The following SGCZ variants were observed in gnomAD, a reference collection of about 807,000 sequenced individuals.
SGCZ encodes zeta-sarcoglycan.
Under a neutral mutation model 41.3 loss-of-function variants are expected in SGCZ, and 40 were observed. The ratio of observed to expected loss-of-function variants is 0.97; its 90% CI spans 0.75 to 1.26. The LOEUF is 1.26. Ranked by LOEUF, SGCZ falls within the 50% of genes most tolerant of loss-of-function variation. SGCZ has a pLI of 0.00. For missense variants in SGCZ, 552 were observed against 369.8 expected, an observed-to-expected ratio of 1.49 and a Z score of -4.04; for synonymous variants, 206 against 137.5, an observed-to-expected ratio of 1.50 and a Z score of -3.49.
chr8:14,982,421 G>T lies in SGCZ; in HGVS notation c.39+255164C>A, dbSNP rs187791639. Among the ~76,000 whole-genome samples, 703 of 152,266 alleles carry T rather than the reference G, an allele frequency of 4.6e-3. 4 individuals are homozygous for T. The highest frequency in any genetic ancestry group is 0.019 in the South Asian group (90 of 4,826). On this transcript the variant is annotated intron_variant, in intron 1 of 7. Transcript: ENST00000382080. ...TCAGTCTCATCATACAGAAAAATGA[G>T]ATAACATATTTCTCAAAAGATTGTA...
chr8:14,121,476 TA>T (rs1429056873), intron 5 of SGCZ, among the ~76,000 whole-genome samples: 1 of 152,146 alleles, frequency 6.6e-6, no homozygotes, highest in East Asian at 1.9e-4. Context: ...TAATTGTTTT[TA>T]AAAAATATGT....
intron 3 of SGCZ, among the ~76,000 whole-genome samples, chr8:14,314,129 G>A (rs890629720): frequency 9.8e-4 from 149 of 152,200 alleles, no homozygotes; most frequent in African/African-American, 3.4e-3. Context: ...TACGCAGTAA[G>A]AAGAACTCCT....
At chr8:14,539,933 T>C (rs1803408633) in intron 2 of SGCZ, among the ~76,000 whole-genome samples, 1 of 151,928 alleles carries the variant, frequency 6.6e-6, no homozygotes, top group African/African-American at 2.4e-5. Context: ...GACCAGTAGA[T>C]GAGATCACCT....
chr8:14,658,924 G>A (rs892244736), intron 1 of SGCZ, among the ~76,000 whole-genome samples: 46 of 151,872 alleles, frequency 3.0e-4, no homozygotes, highest in African/African-American at 1.1e-3. Flanking sequence ...AGGGAAGGGA[G>A]ACAGGAAGGA....
intron 4 of SGCZ, among the ~76,000 whole-genome samples, chr8:14,214,521 G>T (rs1010163186): frequency 6.6e-6 from 1 of 152,040 alleles, no homozygotes; most frequent in Admixed American, 6.6e-5. Context: ...TTCTGTACTA[G>T]TTTTACTATA....
chr8:14,173,013 T>C (rs1414371783), intron 4 of SGCZ, among the ~76,000 whole-genome samples: 2 of 152,164 alleles, frequency 1.3e-5, no homozygotes, highest in African/African-American at 4.8e-5. Flanking sequence ...CTAAGCACCC[T>C]GGACATGAAG....
At chr8:14,535,421 G>A (rs1461848) in intron 2 of SGCZ, among the ~76,000 whole-genome samples, 94,156 of 151,478 alleles carry the variant, frequency 0.62, 31,000 homozygotes, top group Middle Eastern at 0.74. Context: ...AAGAAAAAAG[G>A]TTACATCTGG....
intron 2 of SGCZ, among the ~76,000 whole-genome samples, chr8:14,385,685 T>A (rs1804550372): frequency 6.6e-6 from 1 of 152,134 alleles, no homozygotes; most frequent in Admixed American, 6.5e-5. Context: ...TTTTATTTAC[T>A]TTAAAAGTAA....
chr8:14,143,999 C>G (rs562110856), intron 5 of SGCZ, among the ~76,000 whole-genome samples: 9 of 152,258 alleles, frequency 5.9e-5, no homozygotes, highest in Admixed American at 5.2e-4. Flanking sequence ...CCAAACTTCA[C>G]CACCAAGGGA....
intron 2 of SGCZ, among the ~76,000 whole-genome samples, chr8:14,325,830 G>T (rs1479094427): frequency 7.0e-6 from 1 of 143,406 alleles, no homozygotes; most frequent in African/African-American, 2.5e-5. Context: ...GAGGACGTGG[G>T]CCCGGCGCGG....
At chr8:14,739,949 A>G (rs956884463) in intron 1 of SGCZ, among the ~76,000 whole-genome samples, 1 of 152,016 alleles carries the variant, frequency 6.6e-6, no homozygotes, top group Non-Finnish European at 1.5e-5. Flanking sequence ...TATATAATAA[A>G]CAACATCTGC....
intron 5 of SGCZ, among the ~76,000 whole-genome samples, chr8:14,148,439 T>C (rs1415683929): frequency 1.3e-5 from 2 of 151,810 alleles, no homozygotes; most frequent in Non-Finnish European, 2.9e-5. Flanking sequence ...CTAGAAGAAA[T>C]GGACAAATTT....
intron 1 of SGCZ, among the ~76,000 whole-genome samples, chr8:14,657,419 T>C (rs1424493690): frequency 1.3e-5 from 2 of 152,134 alleles, no homozygotes; most frequent in Non-Finnish European, 2.9e-5. Context: ...AAAATGGGGA[T>C]ATATTTTGAC....
intron 2 of SGCZ, among the ~76,000 whole-genome samples, chr8:14,455,539 CAGATTAGGTAG>C (rs970359005): frequency 6.6e-6 from 1 of 151,820 alleles, no homozygotes; most frequent in Non-Finnish European, 1.5e-5. Flanking sequence ...AATACACAGA[CAGATTAGGTAG>C]ATAGATAGAT....
rs137994668 is a variant in SGCZ at position 14,575,184 on chromosome 8, C to G, written c.40-20258G>C. Among the ~76,000 whole-genome samples, 426 of 152,122 alleles carry G rather than the reference C, an allele frequency of 2.8e-3. 3 individuals are homozygous for G. The highest frequency in any genetic ancestry group is 9.9e-3 in the African/African-American group (409 of 41,510). On this transcript the variant is annotated intron_variant, in intron 1 of 7. Coordinates refer to ENST00000382080, the MANE Select transcript of SGCZ (RefSeq NM_139167.4). ...TGGGAAAAGTAAAATCAGTAGTTAC[C>G]TTTTAAGATGTCAATATTTGTTAAA...
chr8:14,423,943 A>G (rs1799706102), intron 2 of SGCZ, among the ~76,000 whole-genome samples: 1 of 152,144 alleles, frequency 6.6e-6, no homozygotes, highest in Non-Finnish European at 1.5e-5. Context: ...TCATTAAAGT[A>G]TAATAAATGC....
chr8:14,279,538 C>T (rs1463703447), intron 3 of SGCZ, among the ~76,000 whole-genome samples: 1 of 151,714 alleles, frequency 6.6e-6, no homozygotes, highest in Non-Finnish European at 1.5e-5. Flanking sequence ...ACTATCTCTT[C>T]ACAACAAAAA....
At chr8:14,549,691 A>G (rs78470616) in intron 2 of SGCZ, among the ~76,000 whole-genome samples, 77 of 152,242 alleles carry the variant, frequency 5.1e-4, no homozygotes, top group African/African-American at 1.8e-3. Context: ...CCATATAATT[A>G]TATTTCTAAT....
chr8:14,309,152 T>C (rs1801442365), intron 3 of SGCZ: 2 of 1,467,120 alleles, frequency 1.4e-6, no homozygotes, highest in East Asian at 4.5e-5. Context: ...ATGGGCACTC[T>C]GGTTTTTTAA....
Sources: allele counts gnomAD v4.1 joint callset (sites outside exome capture counted in the v4.1 genomes callset), GRCh38; gene constraint gnomAD v4.1.1; transcripts MANE v1.5; gene names NCBI Gene and HGNC (gene_info 2026-07-23, HGNC 2026-07-21).